Variants in NOX4 observed in about 807,000 individuals in gnomAD.
NOX4 encodes kidney oxidase-1.
In NOX4, 69 loss-of-function variants were observed where a neutral mutation model predicts 87.6. The observed-to-expected ratio is 0.79, with a 90% confidence interval of 0.65 to 0.96. The LOEUF (loss-of-function observed/expected upper bound fraction) is 0.96. Ranked by LOEUF, NOX4 falls within the 40% of genes least tolerant of loss-of-function variation. The pLI is 0.00. For missense variants in NOX4, 680 were observed against 681.5 expected, an observed-to-expected ratio of 1.00 and a Z score of 0.02; for synonymous variants, 275 against 238.2, an observed-to-expected ratio of 1.15 and a Z score of -1.42.
At chr11:89,569,446 A>G in the NOX4 span, among the ~76,000 whole-genome samples, 1 of 152,332 alleles carries the variant, frequency 6.6e-6, no homozygotes, top group East Asian at 1.9e-4. Context: ...GCCAACAAGC[A>G]TATGAAAAAA....
At chr11:89,363,239 C>T (rs942955442) in intron 12 of NOX4, among the ~76,000 whole-genome samples, 1 of 151,816 alleles carries the variant, frequency 6.6e-6, no homozygotes, top group Admixed American at 6.6e-5. Context: ...CCTTTTGAGC[C>T]GTGGTACTAG....
At position 89,491,253 on chromosome 11, in the gene NOX4, G is replaced by A. The variant is rs772708521; in HGVS notation, c.-7C>T. ...TCCTCCAGGACACAGCCATGCCGCCGGCCCCGCCGCGCTGCGCTCTGTGCC... is the reference window on the plus strand; with the variant it reads ...TCCTCCAGGACACAGCCATGCCGCCAGCCCCGCCGCGCTGCGCTCTGTGCC... On this transcript the variant is annotated 5_prime_UTR_variant, in exon 1 of 18. Transcript: ENST00000263317. The A allele has an allele frequency of 1.4e-5, 23 of 1,611,480 alleles. 1 individual carries two copies. The South Asian group carries it at 2.3e-4, about 16-fold the overall frequency.
At chr11:89,407,826 C>A (rs563977498) in intron 8 of NOX4, among the ~76,000 whole-genome samples, 1 of 125,450 alleles carries the variant, frequency 8.0e-6, no homozygotes, top group South Asian at 3.3e-4. Flanking sequence ...AAGGACAATG[C>A]CAGAATCATC....
intron 2 of NOX4, among the ~76,000 whole-genome samples, chr11:89,469,799 T>C (rs1336709866): frequency 6.6e-6 from 1 of 152,186 alleles, no homozygotes; most frequent in Non-Finnish European, 1.5e-5. Context: ...AATTTTCCTC[T>C]CATTTTATGT....
intron 4 of NOX4, among the ~76,000 whole-genome samples, chr11:89,446,848 A>G (rs1438884097): frequency 6.6e-6 from 1 of 152,180 alleles, no homozygotes; most frequent in Non-Finnish European, 1.5e-5. Flanking sequence ...TCAAGTGTGA[A>G]CCCTGATGTA....
chr11:89,531,566 G>A, the NOX4 span, among the ~76,000 whole-genome samples: 1 of 152,130 alleles, frequency 6.6e-6, no homozygotes, highest in Admixed American at 6.6e-5. Flanking sequence ...GGAGGGTCCT[G>A]GTGAGAGTGA....
intron 2 of NOX4, among the ~76,000 whole-genome samples, chr11:89,468,124 C>T (rs532770837): frequency 3.3e-5 from 5 of 152,216 alleles, no homozygotes; most frequent in African/African-American, 9.6e-5. Context: ...TCTGACAGTC[C>T]CCAACCAAAG....
upstream of NOX4, among the ~76,000 whole-genome samples, chr11:89,491,767 A>ACACACACACACACAC: frequency 8.7e-6 from 1 of 114,624 alleles, no homozygotes; most frequent in East Asian, 2.1e-4. Context: ...CACACACACA[A>ACACACACACACACAC]GAAGACACAG....
intron 2 of NOX4, among the ~76,000 whole-genome samples, chr11:89,479,826 G>C (rs905863922): frequency 1.3e-5 from 2 of 152,120 alleles, no homozygotes; most frequent in African/African-American, 4.8e-5. Context: ...CATTGCTCGG[G>C]TTTTATTATA....
chr11:89,484,033 A>G (rs1459995775), intron 2 of NOX4, among the ~76,000 whole-genome samples: 1 of 152,114 alleles, frequency 6.6e-6, no homozygotes, highest in East Asian at 1.9e-4. Flanking sequence ...CTTCCATACT[A>G]TGGATGAGAG....
At chr11:89,452,005 A>C (rs1944983802) in intron 2 of NOX4, 110 bp from the exon 3 acceptor site, 1 of 677,588 alleles carries the variant, frequency 1.5e-6, no homozygotes, top group Admixed American at 2.6e-5. Flanking sequence ...ATCATGCCAA[A>C]TACCAGCTCC....
chr11:89,489,734 A>T (rs1428702524), intron 2 of NOX4, among the ~76,000 whole-genome samples: 7 of 151,298 alleles, frequency 4.6e-5, no homozygotes, highest in Non-Finnish European at 1.0e-4. Context: ...TCTCAAAAAA[A>T]AAAAAAGAAA....
intron 13 of NOX4, among the ~76,000 whole-genome samples, chr11:89,347,576 A>C (rs567481461): frequency 6.6e-6 from 1 of 152,326 alleles, no homozygotes; most frequent in African/African-American, 2.4e-5. Flanking sequence ...ACAAAAAGTC[A>C]ACATAAAGAT....
chr11:89,330,104 T>G (rs1216054675), intron 17 of NOX4, among the ~76,000 whole-genome samples: 2 of 151,964 alleles, frequency 1.3e-5, no homozygotes, highest in Admixed American at 1.3e-4. Context: ...GCAAAACGGA[T>G]GGAAGAAATG....
chr11:89,386,375 A>G (rs1267541006), intron 11 of NOX4, among the ~76,000 whole-genome samples: 1 of 152,112 alleles, frequency 6.6e-6, no homozygotes, highest in African/African-American at 2.4e-5. Flanking sequence ...ATCATAACTG[A>G]TATCTCCTGG....
chr11:89,346,716 G>A (rs1412657795), intron 13 of NOX4, among the ~76,000 whole-genome samples: 2 of 152,132 alleles, frequency 1.3e-5, no homozygotes, highest in African/African-American at 4.8e-5. Flanking sequence ...ATCTGAGTCG[G>A]GAATGAGTTG....
At chr11:89,380,169 G>A (rs1294359835) in intron 11 of NOX4, among the ~76,000 whole-genome samples, 1 of 152,190 alleles carries the variant, frequency 6.6e-6, no homozygotes, top group African/African-American at 2.4e-5. Context: ...TAGAGAGAAA[G>A]AGAGGTTGAA....
intron 8 of NOX4, among the ~76,000 whole-genome samples, chr11:89,411,620 G>A (rs538533996): frequency 1.3e-5 from 2 of 151,976 alleles, no homozygotes; most frequent in Admixed American, 6.6e-5. Context: ...GGGTTATATT[G>A]GTTGCAAGCC....
At chr11:89,428,940 C>G (rs556766583) in intron 7 of NOX4, among the ~76,000 whole-genome samples, 1 of 152,270 alleles carries the variant, frequency 6.6e-6, no homozygotes, top group South Asian at 2.1e-4. Context: ...CGCACTTATT[C>G]CAAAATTGAC....
Sources: gnomAD v4.1 joint callset for allele counts (sites outside exome capture counted in the v4.1 genomes callset) on GRCh38, gnomAD v4.1.1 for gene constraint, MANE v1.5 for transcripts, NCBI Gene and HGNC (gene_info 2026-07-23, HGNC 2026-07-21) for gene names.